Variants in TMEM164 observed in about 807,000 individuals in gnomAD.
The protein encoded by TMEM164 is transmembrane protein 164.
In TMEM164, 4 loss-of-function variants were observed where a neutral mutation model predicts 18.8. The ratio of observed to expected loss-of-function variants is 0.21; its 90% confidence interval spans 0.10 to 0.49. The LOEUF is 0.49. Ranked by LOEUF, TMEM164 falls within the 20% of genes least tolerant of loss-of-function variation. The pLI is 0.98. For synonymous variants in TMEM164, 86 were observed against 101.7 expected, an observed-to-expected ratio of 0.85 and a Z score of 0.93; for missense variants, 108 against 239.9, an observed-to-expected ratio of 0.45 and a Z score of 3.63.
In TMEM164 at chrX:110,144,880, A is replaced by G. The variant is rs1298120041; in HGVS notation, c.586+4A>G. The G allele has an allele frequency of 8.4e-7, 1 of 1,193,651 alleles. No homozygotes were observed. The highest frequency in any genetic ancestry group is 2.2e-5 in the Admixed American group (1 of 45,773). ...ATCTACCTGCTTTGGAAAGGAGGTA[A>G]GGCCAGCAAACCACATTCCTATGTA... On this transcript the variant is annotated splice_donor_region_variant and intron_variant, in intron 5 of 6. Coordinates refer to ENST00000372068, the MANE Select transcript of TMEM164 (RefSeq NM_032227.4).
At chrX:110,153,766 T>C (rs908267146) in intron 5 of TMEM164, among the ~76,000 whole-genome samples, 1 of 111,907 alleles carries the variant, frequency 8.9e-6, no homozygotes, top group East Asian at 2.8e-4. Context: ...TCTTAAAACA[T>C]TATATTTGAA....
At chrX:110,087,085 A>G (rs1424053982) in intron 3 of TMEM164, among the ~76,000 whole-genome samples, 1 of 112,009 alleles carries the variant, frequency 8.9e-6, no homozygotes, top group Non-Finnish European at 1.9e-5. Flanking sequence ...CTAACCAGTC[A>G]TTTCTTTTTG....
intron 3 of TMEM164, among the ~76,000 whole-genome samples, chrX:110,077,091 T>C (rs751054359): frequency 3.6e-5 from 4 of 112,228 alleles, no homozygotes; most frequent in Non-Finnish European, 7.5e-5. Context: ...GCTATCTAAG[T>C]CTTTTTGTAG....
At chrX:110,102,223 A>G in intron 3 of TMEM164, among the ~76,000 whole-genome samples, 1 of 108,256 alleles carries the variant, frequency 9.2e-6, no homozygotes. Context: ...GCAGGCACCT[A>G]TAATCTCCTA....
chrX:110,183,053 G>A (rs778786533), downstream of TMEM164, among the ~76,000 whole-genome samples: 4 of 112,190 alleles, frequency 3.6e-5, no homozygotes, highest in East Asian at 8.5e-4. Flanking sequence ...CTCCTGCAGT[G>A]GCTTCCTTCA....
chrX:110,147,885 C>T (rs1214978961), intron 5 of TMEM164, among the ~76,000 whole-genome samples: 1 of 109,844 alleles, frequency 9.1e-6, no homozygotes, highest in Non-Finnish European at 1.9e-5. Context: ...TTTCTTTGAC[C>T]CAAATCTCCA....
At chrX:110,160,302 T>C (rs2067076032) in intron 5 of TMEM164, among the ~76,000 whole-genome samples, 1 of 111,861 alleles carries the variant, frequency 8.9e-6, no homozygotes, top group Non-Finnish European at 1.9e-5. Flanking sequence ...GTATTAGCCC[T>C]ACCTGTGTCT....
At chrX:110,044,788 G>A (rs1221765993) in intron 2 of TMEM164, among the ~76,000 whole-genome samples, 2 of 107,904 alleles carry the variant, frequency 1.9e-5, no homozygotes, top group Non-Finnish European at 3.8e-5. Context: ...GTGTTTCTTT[G>A]TTTTCTCCTC....
Position 110,174,304 on chromosome X carries a change from G to T in TMEM164, c.*853G>T, listed in dbSNP as rs1275125539. The T allele has an allele frequency of 9.0e-6, 1 of 110,745 alleles. No individual in the cohort carries two copies. Among genetic ancestry groups the T allele is most frequent in the African/African-American group, 3.3e-5 (1 of 30,364 alleles). 9.1% of individuals were successfully genotyped at this position (110,745 alleles called of 1,213,427 possible). A position where few individuals can be genotyped will look rare whatever the true frequency, so the allele number is the denominator to read the frequency against. On this transcript the variant is annotated 3_prime_UTR_variant, in exon 7 of 7. Transcript: ENST00000372068. ...CTGTTTTAGGAAAATGTTGATAATA[G>T]ATACCATTTTAATCTTGAGTGCCCC...
At chrX:110,103,529 G>A (rs1008526037) in intron 3 of TMEM164, among the ~76,000 whole-genome samples, 1 of 110,445 alleles carries the variant, frequency 9.1e-6, no homozygotes, top group Non-Finnish European at 1.9e-5. Flanking sequence ...GGGGTATAAG[G>A]GGCAGATAGA....
At chrX:110,131,835 A>G (rs2066616216) in intron 4 of TMEM164, among the ~76,000 whole-genome samples, 1 of 112,094 alleles carries the variant, frequency 8.9e-6, no homozygotes, top group Non-Finnish European at 1.9e-5. Context: ...TACTCAAAAC[A>G]TCTTTCTTTT....
chrX:110,071,716 C>CAAAA (rs59182790), intron 3 of TMEM164, among the ~76,000 whole-genome samples: 15 of 43,308 alleles, frequency 3.5e-4, no homozygotes, highest in African/African-American at 4.2e-4. Context: ...TTTGTCTCTA[C>CAAAA]AAAAAAAAAA....
intron 4 of TMEM164, among the ~76,000 whole-genome samples, chrX:110,123,281 A>G (rs917398621): frequency 8.9e-6 from 1 of 112,343 alleles, no homozygotes; most frequent in East Asian, 2.8e-4. Flanking sequence ...CTATATGTCT[A>G]TCCATATGCC....
At chrX:110,058,161 C>T (rs776807966) in intron 2 of TMEM164, among the ~76,000 whole-genome samples, 47 of 111,224 alleles carry the variant, frequency 4.2e-4, no homozygotes, top group South Asian at 2.3e-3. Flanking sequence ...CATTACTTTG[C>T]GTGTGGATAT....
At chrX:110,137,653 A>G (rs954866861) in intron 4 of TMEM164, among the ~76,000 whole-genome samples, 2 of 111,652 alleles carry the variant, frequency 1.8e-5, no homozygotes, top group African/African-American at 6.5e-5. Context: ...TACATGATCT[A>G]CAGGGCCTCC....
At chrX:110,162,148 A>G (rs1247080343) in intron 5 of TMEM164, among the ~76,000 whole-genome samples, 1 of 112,990 alleles carries the variant, frequency 8.9e-6, no homozygotes, top group Admixed American at 9.3e-5. Flanking sequence ...TTGTTGCCTC[A>G]GATGATCCAA....
chrX:110,080,266 T>G (rs1314695997), intron 3 of TMEM164, among the ~76,000 whole-genome samples: 1 of 112,058 alleles, frequency 8.9e-6, no homozygotes, highest in Non-Finnish European at 1.9e-5. Flanking sequence ...TTGAAATCCA[T>G]GCATAGTTTT....
At chrX:110,166,701 A>G (rs2067163007) in intron 5 of TMEM164, among the ~76,000 whole-genome samples, 1 of 112,240 alleles carries the variant, frequency 8.9e-6, no homozygotes, top group Non-Finnish European at 1.9e-5. Flanking sequence ...GTTTTCCCCT[A>G]CCTTTACAGC....
At chrX:110,077,781 C>T (rs770358705) in intron 3 of TMEM164, among the ~76,000 whole-genome samples, 4 of 112,009 alleles carry the variant, frequency 3.6e-5, no homozygotes, top group South Asian at 3.7e-4. Flanking sequence ...TGAAAATAGG[C>T]CCCCAGTCTC....
Sources: allele counts gnomAD v4.1 joint callset (sites outside exome capture counted in the v4.1 genomes callset), GRCh38; gene constraint gnomAD v4.1.1; transcripts MANE v1.5; gene names NCBI Gene and HGNC (gene_info 2026-07-23, HGNC 2026-07-21).